Variants in DTD1 observed in about 807,000 individuals in gnomAD.
DTD1 encodes the protein D-aminoacyl-tRNA deacylase 1.
In DTD1, 13 loss-of-function variants were observed where a neutral mutation model predicts 25.6. The ratio of observed to expected loss-of-function variants is 0.51; its 90% CI spans 0.33 to 0.81. The LOEUF (loss-of-function observed/expected upper bound fraction) is 0.81, where lower values mean the gene tolerates loss of function less well. Among genes scored for constraint, DTD1 ranks in the 30% least tolerant of loss-of-function variants. The probability of loss-of-function intolerance (pLI) is 0.02; values close to 1 mark genes in which losing one functional copy is unlikely to be tolerated. For synonymous variants in DTD1, 110 were observed against 103.6 expected, an observed-to-expected ratio of 1.06 and a Z score of -0.37; for missense variants, 193 against 266.4, an observed-to-expected ratio of 0.72 and a Z score of 1.92.
Position 18,688,351 on chromosome 20 carries a change from T to C in DTD1, c.478-55749T>C, listed in dbSNP as rs771720858. ...AATAATTCTACAAATAAGTATTAAT[T>C]ATAACCTGTGATAAGTGCCATGAAA... On this transcript the variant is annotated intron_variant, in intron 4 of 5. Transcript: ENST00000377452. Among the ~76,000 whole-genome samples, 15 of 152,140 alleles carry C rather than the reference T, an allele frequency of 9.9e-5. 1 individual carries two copies. Among genetic ancestry groups the C allele is most frequent in the African/African-American group, 3.6e-4 (15 of 41,436 alleles).
At chr20:18,748,625 C>T (rs2061309868) in intron 5 of DTD1, among the ~76,000 whole-genome samples, 1 of 152,132 alleles carries the variant, frequency 6.6e-6, no homozygotes, top group Non-Finnish European at 1.5e-5. Flanking sequence ...TACAGGAGAA[C>T]ACGCTCATAG....
chr20:18,606,791 G>T (rs2060660884), intron 3 of DTD1, among the ~76,000 whole-genome samples: 1 of 121,168 alleles, frequency 8.3e-6, no homozygotes, highest in Admixed American at 8.6e-5. Flanking sequence ...GGGGGGGGAG[G>T]GGGGAGGGAT....
intron 4 of DTD1, chr20:18,630,962 A>G (rs1368801275): frequency 7.4e-5 from 46 of 620,560 alleles, no homozygotes; most frequent in Non-Finnish European, 9.1e-5. Context: ...TGTGGTATTG[A>G]TTTGTCTTGT....
At chr20:18,596,742 T>G (rs1459750717) in intron 3 of DTD1, among the ~76,000 whole-genome samples, 2 of 150,618 alleles carry the variant, frequency 1.3e-5, no homozygotes, top group African/African-American at 4.8e-5. Flanking sequence ...TTTTTTTTTT[T>G]CTAAATAAAG....
chr20:18,718,028 C>G (rs1194186818), intron 4 of DTD1, among the ~76,000 whole-genome samples: 1 of 152,180 alleles, frequency 6.6e-6, no homozygotes, highest in Non-Finnish European at 1.5e-5. Flanking sequence ...TTGGGAGCCT[C>G]TTGGGAAACA....
intron 4 of DTD1, among the ~76,000 whole-genome samples, chr20:18,671,454 A>G (rs533063725): frequency 6.6e-6 from 1 of 152,260 alleles, no homozygotes; most frequent in African/African-American, 2.4e-5. Flanking sequence ...TTTTTGGCCA[A>G]TTGCAGTCTG....
chr20:18,708,966 C>CT (rs1179023050), intron 4 of DTD1, among the ~76,000 whole-genome samples: 2 of 152,200 alleles, frequency 1.3e-5, no homozygotes, highest in Non-Finnish European at 2.9e-5. Flanking sequence ...CAAGACTGGA[C>CT]TTCCTCCCCA....
intron 3 of DTD1, among the ~76,000 whole-genome samples, chr20:18,614,026 A>C (rs924353819): frequency 6.6e-6 from 1 of 152,176 alleles, no homozygotes; most frequent in Non-Finnish European, 1.5e-5. Context: ...GGCTGGTCTC[A>C]AACTCCTGGG....
At chr20:18,640,283 A>G (rs1407989287) in intron 4 of DTD1, among the ~76,000 whole-genome samples, 4 of 152,006 alleles carry the variant, frequency 2.6e-5, no homozygotes, top group Non-Finnish European at 5.9e-5. Flanking sequence ...CTTTTTTCTC[A>G]TGAGTCCATA....
intron 4 of DTD1, among the ~76,000 whole-genome samples, chr20:18,651,580 A>G (rs1010441045): frequency 1.3e-5 from 2 of 152,176 alleles, no homozygotes; most frequent in Admixed American, 6.5e-5. Flanking sequence ...CCCCTTTGAG[A>G]GTTCTGTCAC....
intron 3 of DTD1, among the ~76,000 whole-genome samples, chr20:18,599,230 A>G (rs1043205066): frequency 6.6e-6 from 1 of 152,092 alleles, no homozygotes; most frequent in African/African-American, 2.4e-5. Flanking sequence ...GCTGGAGTGC[A>G]GTGGTGTGAT....
chr20:18,628,473 A>G (rs1321026130), intron 4 of DTD1, among the ~76,000 whole-genome samples: 1 of 152,086 alleles, frequency 6.6e-6, no homozygotes, highest in Non-Finnish European at 1.5e-5. Context: ...TCCTGTGCAG[A>G]GCCAGGTTCT....
At chr20:18,673,093 C>T (rs1030510234) in intron 4 of DTD1, among the ~76,000 whole-genome samples, 3 of 152,170 alleles carry the variant, frequency 2.0e-5, no homozygotes, top group South Asian at 2.1e-4. Context: ...AGATGTCATT[C>T]GTACTTATGG....
chr20:18,628,965 C>G (rs1299063987), intron 4 of DTD1, among the ~76,000 whole-genome samples: 2 of 148,140 alleles, frequency 1.4e-5, no homozygotes, highest in African/African-American at 2.5e-5. Context: ...AAACGTGAAG[C>G]TGGGCAACCT....
At chr20:18,758,363 T>C (rs2061347733) in intron 5 of DTD1, among the ~76,000 whole-genome samples, 1 of 152,204 alleles carries the variant, frequency 6.6e-6, no homozygotes, top group South Asian at 2.1e-4. Context: ...ATTGTGATGT[T>C]AGGGTGTCAA....
At chr20:18,720,928 G>C (rs16979509) in intron 4 of DTD1, among the ~76,000 whole-genome samples, 14,416 of 152,214 alleles carry the variant, frequency 0.095, 849 homozygotes, top group East Asian at 0.27. Flanking sequence ...CATTAATTTA[G>C]ATATTATATC....
At chr20:18,600,103 A>G (rs1352499587) in intron 3 of DTD1, among the ~76,000 whole-genome samples, 3 of 152,088 alleles carry the variant, frequency 2.0e-5, no homozygotes, top group African/African-American at 7.2e-5. Flanking sequence ...GGAAAATTTT[A>G]ATTTTAATAA....
intron 3 of DTD1, among the ~76,000 whole-genome samples, chr20:18,597,384 A>C (rs2060616322): frequency 6.6e-6 from 1 of 152,184 alleles, no homozygotes; most frequent in South Asian, 2.1e-4. Context: ...TAATACACAT[A>C]CTGTACAATT....
At chr20:18,590,303 G>A (rs1408900018) in intron 1 of DTD1, among the ~76,000 whole-genome samples, 4 of 152,134 alleles carry the variant, frequency 2.6e-5, no homozygotes, top group Non-Finnish European at 1.5e-5. Flanking sequence ...TCAGCATCCT[G>A]AGTAGTTAGA....
Sources: gnomAD v4.1 joint callset for allele counts (sites outside exome capture counted in the v4.1 genomes callset) on GRCh38, gnomAD v4.1.1 for gene constraint, MANE v1.5 for transcripts, NCBI Gene and HGNC (gene_info 2026-07-23, HGNC 2026-07-21) for gene names.